The following ZNF536 variants were observed in gnomAD, a reference collection of about 807,000 sequenced individuals.
The protein encoded by ZNF536 is zinc finger protein 536.
In ZNF536, 13 loss-of-function variants were observed where a neutral mutation model predicts 84.5. The ratio of observed to expected loss-of-function variants is 0.15; its 90% CI spans 0.10 to 0.24. The LOEUF is 0.24. Among genes scored for constraint, ZNF536 ranks in the 10% least tolerant of loss-of-function variants. ZNF536 has a pLI of 1.00. For synonymous variants in ZNF536, 811 were observed against 742.5 expected, an observed-to-expected ratio of 1.09 and a Z score of -1.50; for missense variants, 1,536 against 1,747.5, an observed-to-expected ratio of 0.88 and a Z score of 2.16.
At chr19:30,313,742 G>C (rs946089341) in intron 2 of ZNF536, among the ~76,000 whole-genome samples, 6 of 152,158 alleles carry the variant, frequency 3.9e-5, no homozygotes, top group African/African-American at 1.4e-4. Flanking sequence ...GCCTCTGGGG[G>C]TCCTCAGTTC....
intron 2 of ZNF536, among the ~76,000 whole-genome samples, chr19:30,323,337 G>C (rs1482836417): frequency 6.6e-6 from 1 of 151,910 alleles, no homozygotes; most frequent in Non-Finnish European, 1.5e-5. Flanking sequence ...CTTTCTCCTC[G>C]GGCACTTAAC....
chr19:30,293,844 T>A (rs995029348), intron 2 of ZNF536, among the ~76,000 whole-genome samples: 1 of 152,324 alleles, frequency 6.6e-6, no homozygotes, highest in East Asian at 1.9e-4. Context: ...TGCTAAATAC[T>A]GGAAGAAGGG....
intron 1 of ZNF536, among the ~76,000 whole-genome samples, chr19:30,401,632 A>G (rs1467175769): frequency 6.6e-6 from 1 of 152,248 alleles, no homozygotes; most frequent in East Asian, 1.9e-4. Flanking sequence ...ATAATGGGGT[A>G]AAAACCGTAA....
chr19:30,368,204 A>G (rs1439800476), upstream of ZNF536, among the ~76,000 whole-genome samples: 1 of 152,192 alleles, frequency 6.6e-6, no homozygotes, highest in Non-Finnish European at 1.5e-5. Flanking sequence ...CAGCAGCTAC[A>G]TGTTGATTGA....
intron 1 of ZNF536, among the ~76,000 whole-genome samples, chr19:30,383,857 T>TCCTTCCTCCCCC: frequency 7.4e-6 from 1 of 134,650 alleles, no homozygotes; most frequent in Non-Finnish European, 1.6e-5. Flanking sequence ...CTTCCTTCCT[T>TCCTTCCTCCCCC]CCTTCCTTCC....
chr19:30,496,133 A>G (rs891017651), intron 2 of ZNF536, among the ~76,000 whole-genome samples: 1 of 152,066 alleles, frequency 6.6e-6, no homozygotes, highest in African/African-American at 2.4e-5. Context: ...GGAGGGCTTG[A>G]GACTTGGGTT....
At chr19:30,402,958 T>C (rs2147537458) in intron 1 of ZNF536, among the ~76,000 whole-genome samples, 1 of 151,920 alleles carries the variant, frequency 6.6e-6, no homozygotes, top group South Asian at 2.1e-4. Context: ...AAGCCTGACA[T>C]GACAGACTTC....
At position 30,493,272 on chromosome 19, in the gene ZNF536, C is replaced by G. The variant is rs1048657074; in HGVS notation, c.2171-41575C>G. On this transcript the variant is annotated intron_variant, in intron 2 of 4. Transcript: ENST00000355537. ...AGTCACCAGCCATATTTATTGGCAA[C>G]TTTAGCTGACATTTTAGGGAACGTC... is the stretch of plus-strand genomic sequence containing the variant. 2.0e-5 allele frequency among the ~76,000 whole-genome samples: 3 copies of G among 151,842 alleles called. 1 individual carries two copies. The highest frequency in any genetic ancestry group is 1.9e-4 in the East Asian group (1 of 5,176).
At chr19:30,385,120 T>C (rs192689315) in intron 1 of ZNF536, among the ~76,000 whole-genome samples, 99 of 151,990 alleles carry the variant, frequency 6.5e-4, no homozygotes, top group African/African-American at 2.2e-3. Flanking sequence ...GGACTTGATG[T>C]TTGAGGCCTT....
At position 30,549,381 on chromosome 19, in the gene ZNF536, G is replaced by A. The variant is rs754654967; in HGVS notation, c.3762G>A (p.Gly1254=). The change falls in exon 4 of 5, where the codon GGG becomes GGA. Residue 1254 remains glycine, a synonymous_variant. Coordinates refer to ENST00000355537, the MANE Select transcript of ZNF536 (RefSeq NM_014717.3). ...PLAGLPKPER[G]PQSLDKPMNM... ...CGGGCCTGCCAAAGCCGGAGCGGGG[G>A]CCCCAGAGCCTGGACAAGCCGATGA... 1.1e-5 allele frequency: 17 copies of A among 1,594,950 alleles called. No homozygotes were observed. The highest frequency in any genetic ancestry group is 1.2e-5 in the Non-Finnish European group (14 of 1,170,468).
chr19:30,257,589 C>T (rs2024977587), intron 1 of ZNF536, among the ~76,000 whole-genome samples: 1 of 152,194 alleles, frequency 6.6e-6, no homozygotes, highest in Admixed American at 6.5e-5. Context: ...GGATCCTGAG[C>T]TCATTACTAC....
At chr19:30,326,791 CTTT>C (rs869076590) in intron 2 of ZNF536, among the ~76,000 whole-genome samples, 6 of 51,958 alleles carry the variant, frequency 1.2e-4, no homozygotes, top group East Asian at 7.2e-4. Context: ...TTATAAAAAG[CTTT>C]TTTTTTTTTT....
chr19:30,400,136 C>CT (rs1053201176), intron 1 of ZNF536, among the ~76,000 whole-genome samples: 5,117 of 146,760 alleles, frequency 0.035, 245 homozygotes, highest in African/African-American at 0.11. Flanking sequence ...TATTGTAGGA[C>CT]TTTTTTTTTT....
At position 30,641,036 on chromosome 19, in the gene ZNF536, T is replaced by C. The variant is rs190419947; in HGVS notation, c.170-69721T>C. 5.9e-5 allele frequency among the ~76,000 whole-genome samples: 9 copies of C among 152,352 alleles called. No homozygotes were observed. In the East Asian group the frequency reaches 1.5e-3, roughly 26 times the overall value. On this transcript the variant is annotated intron_variant, in intron 1 of 1. Coordinates refer to the ZNF536 transcript ENST00000592773. ...GTTCAGCTTCAGTACCGCTTAGTTA[T>C]CTCTGGATCAGCAGCTAAGGCCTTA... is the stretch of plus-strand genomic sequence containing the variant.
chr19:30,601,726 G>A (rs551054843), intron 1 of ZNF536, among the ~76,000 whole-genome samples: 1 of 152,294 alleles, frequency 6.6e-6, no homozygotes, highest in South Asian at 2.1e-4. Context: ...CAGCCGAGAA[G>A]CCTGCTGTCA....
intron 1 of ZNF536, among the ~76,000 whole-genome samples, chr19:30,629,594 A>G (rs974928551): frequency 6.6e-6 from 1 of 152,204 alleles, no homozygotes; most frequent in African/African-American, 2.4e-5. Context: ...AGATCAAGTA[A>G]TGCTCAAGGT....
chr19:30,344,133 G>T (rs1052195573), intron 2 of ZNF536, among the ~76,000 whole-genome samples: 3 of 151,290 alleles, frequency 2.0e-5, no homozygotes, highest in Admixed American at 2.0e-4. Flanking sequence ...CCCACCCCTA[G>T]GGCCTGCCCC....
At chr19:30,244,329 C>G (rs2144930630) in intron 1 of ZNF536, among the ~76,000 whole-genome samples, 1 of 152,192 alleles carries the variant, frequency 6.6e-6, no homozygotes, top group Non-Finnish European at 1.5e-5. Context: ...TGTGCTGTTA[C>G]ATTAAGGCCA....
At chr19:30,692,218 C>A (rs2051441628) in intron 1 of ZNF536, among the ~76,000 whole-genome samples, 1 of 152,228 alleles carries the variant, frequency 6.6e-6, no homozygotes, top group Admixed American at 6.5e-5. Flanking sequence ...ACGCAAGAAA[C>A]TGCTGAAACC....
Sources: gnomAD v4.1 joint callset for allele counts (sites outside exome capture counted in the v4.1 genomes callset) on GRCh38, gnomAD v4.1.1 for gene constraint, MANE v1.5 for transcripts, NCBI Gene and HGNC (gene_info 2026-07-23, HGNC 2026-07-21) for gene names.